ANXA8: variants seen among roughly 807,000 people sequenced by gnomAD.
ANXA8 encodes the protein annexin A8.
A neutral mutation model predicts 26.8 loss-of-function variants in ANXA8; 9 were observed. That is an observed-to-expected ratio of 0.34 (90% CI 0.20 to 0.59). The LOEUF (loss-of-function observed/expected upper bound fraction) is 0.59, where lower values mean the gene tolerates loss of function less well. ANXA8 is among the 20% of genes least tolerant of loss of function. The probability of loss-of-function intolerance (pLI) is 0.84; values close to 1 mark genes in which losing one functional copy is unlikely to be tolerated. For missense variants in ANXA8, 83 were observed against 238.5 expected, an observed-to-expected ratio of 0.35 and a Z score of 4.29; for synonymous variants, 39 against 94.8, an observed-to-expected ratio of 0.41 and a Z score of 3.42.
the ANXA8 span, among the ~76,000 whole-genome samples, chr10:47,879,858 A>AT: frequency 1.9e-4 from 1 of 5,318 alleles, no homozygotes; most frequent in Non-Finnish European, 3.6e-4. Context: ...TTCACTTATA[A>AT]TTTTTTATTT....
the ANXA8 span, among the ~76,000 whole-genome samples, chr10:47,672,631 A>C: frequency 2.6e-5 from 4 of 152,014 alleles, 1 homozygote; most frequent in Non-Finnish European, 5.9e-5. Context: ...TACATTTCAG[A>C]TGGAAATGAG....
chr10:47,705,856 T>C, the ANXA8 span, among the ~76,000 whole-genome samples: 1 of 151,620 alleles, frequency 6.6e-6, no homozygotes, highest in South Asian at 2.1e-4. Context: ...TCGTGACTTT[T>C]CTGGGGGCAT....
the ANXA8 span, among the ~76,000 whole-genome samples, chr10:47,900,373 AG>A: frequency 6.6e-6 from 1 of 151,522 alleles, no homozygotes; most frequent in Non-Finnish European, 1.5e-5. Context: ...GAGACTTTCC[AG>A]GGACCAAATT....
chr10:47,557,720 T>C, the ANXA8 span, among the ~76,000 whole-genome samples: 1 of 151,434 alleles, frequency 6.6e-6, no homozygotes, highest in Non-Finnish European at 1.5e-5. Context: ...GAGAACCAGG[T>C]TGAAGTAATT....
the ANXA8 span, among the ~76,000 whole-genome samples, chr10:47,495,292 AT>A: frequency 4.7e-5 from 5 of 105,604 alleles, no homozygotes; most frequent in East Asian, 1.8e-3. Flanking sequence ...TATTATTATT[AT>A]TATTATTTTG....
intron 11 of ANXA8, among the ~76,000 whole-genome samples, chr10:47,469,538 G>T (rs1839248220): frequency 6.6e-6 from 1 of 151,752 alleles, no homozygotes; most frequent in Non-Finnish European, 1.5e-5. Context: ...CTCCTGATGA[G>T]ACTGACCTTG....
chr10:47,530,616 C>T, the ANXA8 span, among the ~76,000 whole-genome samples: 8 of 151,170 alleles, frequency 5.3e-5, no homozygotes, highest in South Asian at 2.1e-4. Context: ...TCCCTTGAAC[C>T]CGGGAGGCAG....
chr10:47,700,509 G>C, the ANXA8 span, among the ~76,000 whole-genome samples: 1 of 151,758 alleles, frequency 6.6e-6, no homozygotes, highest in East Asian at 1.9e-4. Flanking sequence ...ACACCATATG[G>C]ATTAATAGTC....
At chr10:47,488,999 G>A (rs1840098219), upstream of ANXA8, among the ~76,000 whole-genome samples, 1 of 147,700 alleles carries the variant, frequency 6.8e-6, no homozygotes, top group African/African-American at 2.5e-5. Flanking sequence ...ACAGGCGTGA[G>A]CCACCGCCCC....
the ANXA8 span, among the ~76,000 whole-genome samples, chr10:47,637,202 A>G: frequency 6.8e-6 from 1 of 146,912 alleles, no homozygotes; most frequent in Non-Finnish European, 1.5e-5. Flanking sequence ...AATTAAACAG[A>G]GTCAATTGTT....
upstream of ANXA8, among the ~76,000 whole-genome samples, chr10:47,486,528 C>T (rs1398281656): frequency 7.3e-6 from 1 of 136,854 alleles, no homozygotes; most frequent in African/African-American, 2.7e-5. Flanking sequence ...CCTATCCAAC[C>T]AGCAGCAGGG....
chr10:47,730,542 A>G, the ANXA8 span: 1 of 826,556 alleles, frequency 1.2e-6, no homozygotes, highest in African/African-American at 1.8e-5. Context: ...TTTATGAAAT[A>G]TATTTTACAA....
chr10:47,600,226 C>G, the ANXA8 span, among the ~76,000 whole-genome samples: 1 of 149,482 alleles, frequency 6.7e-6, no homozygotes, highest in South Asian at 2.1e-4. Flanking sequence ...AAACGTCCAA[C>G]CCAATGCCAC....
the ANXA8 span, among the ~76,000 whole-genome samples, chr10:47,916,524 A>G: frequency 7.8e-6 from 1 of 127,828 alleles, no homozygotes; most frequent in South Asian, 2.6e-4. Context: ...CAGCCCTACC[A>G]TCTACAAGTT....
the ANXA8 span, among the ~76,000 whole-genome samples, chr10:47,679,427 C>T: frequency 2.0e-5 from 3 of 152,210 alleles, no homozygotes; most frequent in East Asian, 1.9e-4. Context: ...TAGTGATACC[C>T]CTATGTCTAC....
chr10:47,664,949 A>G, the ANXA8 span, among the ~76,000 whole-genome samples: 1 of 141,238 alleles, frequency 7.1e-6, no homozygotes, highest in African/African-American at 2.9e-5. Context: ...CTGGTTTCAA[A>G]CTCCTAGGCT....
At chr10:47,501,096 G>A in the ANXA8 span, among the ~76,000 whole-genome samples, 1 of 144,798 alleles carries the variant, frequency 6.9e-6, no homozygotes, top group South Asian at 2.2e-4. Flanking sequence ...CAGAGATGGG[G>A]TTTCACCATG....
chr10:47,772,491 G>T, the ANXA8 span, among the ~76,000 whole-genome samples: 1 of 152,226 alleles, frequency 6.6e-6, no homozygotes, highest in African/African-American at 2.4e-5. Flanking sequence ...GACCAAGAAA[G>T]TGTGTATCTG....
chr10:47,666,901 A>T, the ANXA8 span, among the ~76,000 whole-genome samples: 1 of 151,970 alleles, frequency 6.6e-6, no homozygotes, highest in Non-Finnish European at 1.5e-5. Flanking sequence ...ATTTACTTGA[A>T]TTTTCAGGTT....
Sources: gnomAD v4.1 joint callset for allele counts (sites outside exome capture counted in the v4.1 genomes callset) on GRCh38, gnomAD v4.1.1 for gene constraint, MANE v1.5 for transcripts, NCBI Gene and HGNC (gene_info 2026-07-23, HGNC 2026-07-21) for gene names.